GALNT8: variants seen among roughly 807,000 people sequenced by gnomAD.
The protein encoded by GALNT8 is polypeptide N-acetylgalactosaminyltransferase 8.
In GALNT8, 66 loss-of-function variants were observed where a neutral mutation model predicts 62.7. That is an observed-to-expected ratio of 1.05 (90% confidence interval 0.86 to 1.29). The LOEUF (loss-of-function observed/expected upper bound fraction) is 1.29. Among genes scored for constraint, GALNT8 ranks in the 50% most tolerant of loss-of-function variants. The pLI is 0.00. For missense variants in GALNT8, 771 were observed against 791.8 expected (o/e 0.97, Z 0.32); for synonymous variants, 288 against 294.3 (o/e 0.98, Z 0.22).
chr12:4,764,530 ATTTTTTTTTTTTTTTTTTTT>A (rs58809573), intron 9 of GALNT8, among the ~76,000 whole-genome samples: 1 of 102,224 alleles, frequency 9.8e-6, no homozygotes, highest in African/African-American at 4.0e-5. Context: ...CAGTCAGGGG[ATTTTTTTTTTTTTTTTTTTT>A]TTTTTTTTTT....
intron 2 of GALNT8, among the ~76,000 whole-genome samples, chr12:4,735,559 T>C (rs1047434499): frequency 6.6e-6 from 1 of 152,218 alleles, no homozygotes; most frequent in Non-Finnish European, 1.5e-5. Flanking sequence ...GTGGAGGTGA[T>C]TGAGAGAGAC....
At chr12:4,754,874 T>C (rs548496322) in intron 6 of GALNT8, among the ~76,000 whole-genome samples, 12 of 152,266 alleles carry the variant, frequency 7.9e-5, no homozygotes, top group African/African-American at 2.9e-4. Context: ...GCCCAGGGTG[T>C]GTTTAGAAAT....
intron 3 of GALNT8, among the ~76,000 whole-genome samples, chr12:4,739,738 C>A (rs1946263096): frequency 6.8e-6 from 1 of 148,138 alleles, no homozygotes; most frequent in Non-Finnish European, 1.5e-5. Context: ...GATCTCGGCT[C>A]ACTGCAAGCT....
Position 4,744,717 on chromosome 12 carries a change from C to G in GALNT8, c.860+17C>G, listed in dbSNP as rs1449662696. On this transcript the variant is annotated intron_variant, in intron 4 of 10. Transcript: ENST00000252318. ...TGTTGGGTGGTAAGGCTCAAAGAGG[C>G]TAGTTCTTCTGGAAAGGGCAGAGAG... 6.4e-7 allele frequency: 1 copy of G among 1,574,658 alleles called. No individual in the cohort carries two copies. Among genetic ancestry groups the G allele is most frequent in the East Asian group, 2.2e-5 (1 of 44,692 alleles).
chr12:4,753,691 G>A (rs948747094), intron 6 of GALNT8, among the ~76,000 whole-genome samples: 1 of 152,164 alleles, frequency 6.6e-6, no homozygotes, highest in Non-Finnish European at 1.5e-5. Flanking sequence ...CATTTGGTGA[G>A]ATGATGTTTT....
chr12:4,748,772 AG>A (rs1325267851), intron 6 of GALNT8, among the ~76,000 whole-genome samples: 3 of 152,076 alleles, frequency 2.0e-5, no homozygotes, highest in African/African-American at 7.2e-5. Context: ...GTGTTTTGAT[AG>A]GGATTGTATT....
rs112451651 is a variant in GALNT8 at position 4,764,653 on chromosome 12, C to T, written c.1593+606C>T. On this transcript the variant is annotated intron_variant, in intron 9 of 10. Transcript: ENST00000252318. ...CTGCCTTCTGGGTTCACGGCATTCTCCTGCCTCAGCCTCCCTAGTAGCTGG... is the reference window on the plus strand; with the variant it reads ...CTGCCTTCTGGGTTCACGGCATTCTTCTGCCTCAGCCTCCCTAGTAGCTGG... Among the ~76,000 whole-genome samples, 1,045 of 150,206 alleles carry T rather than the reference C, an allele frequency of 7.0e-3. 9 individuals carry two copies. Among genetic ancestry groups the T allele is most frequent in the African/African-American group, 0.024 (984 of 40,824 alleles).
intron 6 of GALNT8, among the ~76,000 whole-genome samples, chr12:4,760,218 A>G (rs1320904227): frequency 6.6e-6 from 1 of 152,162 alleles, no homozygotes; most frequent in Non-Finnish European, 1.5e-5. Flanking sequence ...AGCTCACATT[A>G]TTGTTGGCAG....
intron 3 of GALNT8, among the ~76,000 whole-genome samples, chr12:4,740,348 A>G (rs1007292457): frequency 1.3e-5 from 2 of 152,164 alleles, no homozygotes; most frequent in Non-Finnish European, 2.9e-5. Context: ...TAACCATTTT[A>G]TGAACTATAG....
intron 3 of GALNT8, among the ~76,000 whole-genome samples, chr12:4,740,789 A>G (rs1460658779): frequency 6.6e-6 from 1 of 152,206 alleles, no homozygotes; most frequent in African/African-American, 2.4e-5. Context: ...CCCATTGTGT[A>G]GATGTGCAAA....
chr12:4,737,566 A>G (rs1334705251), intron 2 of GALNT8, among the ~76,000 whole-genome samples: 2 of 152,182 alleles, frequency 1.3e-5, no homozygotes, highest in Non-Finnish European at 2.9e-5. Flanking sequence ...AAGAGAAACT[A>G]TTTTACCAGA....
At chr12:4,730,491 T>C (rs1165028734) in intron 2 of GALNT8, among the ~76,000 whole-genome samples, 4 of 152,254 alleles carry the variant, frequency 2.6e-5, no homozygotes, top group African/African-American at 9.6e-5. Flanking sequence ...TTGCGTTTTC[T>C]TGACATCTTT....
Position 4,726,907 on chromosome 12 carries a change from G to A in GALNT8, c.509+78G>A. ...AGCTTTGGGAGCAGTGAACATTGAAGGCTGGGGGAGTGGGGGATTGTTGGG... is the reference window on the plus strand; with the variant it reads ...AGCTTTGGGAGCAGTGAACATTGAAAGCTGGGGGAGTGGGGGATTGTTGGG... On this transcript the variant is annotated intron_variant, in intron 2 of 10. Transcript: ENST00000252318. This position sits in a 1 kb window ranked among gnomAD's most constrained non-coding sequence, Gnocchi z 4.1. The A allele has an allele frequency of 7.9e-7, 1 of 1,261,448 alleles. No individual in the cohort carries two copies. Among genetic ancestry groups the A allele is most frequent in the Admixed American group, 2.1e-5 (1 of 46,600 alleles). The allele number at this position is 1,261,448 out of a possible 1,614,324, so 78.1% of individuals were successfully genotyped here.
chr12:4,733,387 A>C (rs1381942943), intron 2 of GALNT8, among the ~76,000 whole-genome samples: 3 of 152,162 alleles, frequency 2.0e-5, no homozygotes, highest in Non-Finnish European at 2.9e-5. Flanking sequence ...CTTTTGATTG[A>C]TATACGGTGG....
At chr12:4,729,586 C>A (rs1218175735) in intron 2 of GALNT8, among the ~76,000 whole-genome samples, 1 of 152,122 alleles carries the variant, frequency 6.6e-6, no homozygotes, top group Non-Finnish European at 1.5e-5. Flanking sequence ...CCACATTTAT[C>A]CATGTTGTCA....
intron 2 of GALNT8, among the ~76,000 whole-genome samples, chr12:4,728,756 G>C (rs1399997485): frequency 1.3e-5 from 2 of 152,130 alleles, no homozygotes; most frequent in African/African-American, 4.8e-5. Context: ...CTTAACAATT[G>C]TAATTTTGTA....
intron 3 of GALNT8, among the ~76,000 whole-genome samples, chr12:4,739,942 C>T (rs905359424): frequency 6.6e-6 from 1 of 152,166 alleles, no homozygotes; most frequent in Non-Finnish European, 1.5e-5. Context: ...GCTGAGATTA[C>T]AGGCGTGAGC....
Position 4,765,448 on chromosome 12 carries a change from C to T in GALNT8, c.1663C>T (p.Arg555Cys), listed in dbSNP as rs148196108. The change falls in exon 10 of 11, where the codon CGC (arginine) becomes TGC (cysteine). Residue 555 changes from arginine to cysteine, a missense_variant. Arg to Cys is a radical substitution (Grantham distance 180). Transcript: ENST00000252318. The stretch of plus-strand genomic sequence containing the variant: ...GATTGCAGAGGCCAGTGCTAGTGAT[C>T]GCTGCCTGACAGACCCTGGCAAGGC... ...QLIAEASASD[R>C]CLTDPGKAEK... is the part of the protein sequence containing the mutation. 685 of 1,610,730 alleles carry T rather than the reference C, an allele frequency of 4.3e-4. 5 individuals are homozygous for T. The South Asian group carries it at 6.8e-3, about 16-fold the overall frequency.
chr12:4,749,737 G>T lies in GALNT8; in HGVS notation c.1173+3479G>T, dbSNP rs1230038500. Among the ~76,000 whole-genome samples the T allele has an allele frequency of 6.6e-6, 1 of 151,842 alleles. No individual in the cohort carries two copies. Among genetic ancestry groups the T allele is most frequent in the Non-Finnish European group, 1.5e-5 (1 of 67,968 alleles). On this transcript the variant is annotated intron_variant, in intron 6 of 10. Coordinates refer to ENST00000252318, the MANE Select transcript of GALNT8 (RefSeq NM_017417.2). The surrounding 1 kb of genome is among the most constrained non-coding windows in gnomAD (Gnocchi z 4.1). ...TTTTGGAAAAATTTAAGTAGGATTG[G>T]TACTAGTTTTTCTTTAAATATTCGG...
Sources: allele counts gnomAD v4.1 joint callset (sites outside exome capture counted in the v4.1 genomes callset), GRCh38; gene constraint gnomAD v4.1.1; non-coding constraint Gnocchi (gnomAD v3.1); transcripts MANE v1.5; gene names NCBI Gene and HGNC (gene_info 2026-07-23, HGNC 2026-07-21).